The following FGF12 variants were observed in gnomAD, a reference collection of about 807,000 sequenced individuals.
FGF12 encodes fibroblast growth factor 12B.
A neutral mutation model predicts 23.6 loss-of-function variants in FGF12; 14 were observed. The observed-to-expected ratio is 0.59, with a 90% CI of 0.39 to 0.93. FGF12 has a LOEUF of 0.93. Ranked by LOEUF, FGF12 falls within the 40% of genes least tolerant of loss-of-function variation. The pLI is 0.00. For missense variants in FGF12, 175 were observed against 217.8 expected (o/e 0.80, Z 1.24); for synonymous variants, 62 against 77.3 (o/e 0.80, Z 1.04).
At chr3:192,507,985 A>C (rs1724363577) in intron 2 of FGF12, among the ~76,000 whole-genome samples, 1 of 152,214 alleles carries the variant, frequency 6.6e-6, no homozygotes, top group South Asian at 2.1e-4. Flanking sequence ...CAAGTTAAGC[A>C]AATAATTAGT....
At chr3:192,244,138 T>A (rs557338027) in intron 4 of FGF12, among the ~76,000 whole-genome samples, 1 of 152,266 alleles carries the variant, frequency 6.6e-6, no homozygotes, top group African/African-American at 2.4e-5. Context: ...AAATACTATA[T>A]CTAGGGAGAT....
At chr3:192,463,120 T>C (rs1476451554) in intron 2 of FGF12, among the ~76,000 whole-genome samples, 1 of 152,080 alleles carries the variant, frequency 6.6e-6, no homozygotes, top group African/African-American at 2.4e-5. Flanking sequence ...TTTAGGGTGA[T>C]AGAAGATTTT....
At chr3:192,558,825 A>G (rs967247584) in intron 2 of FGF12, among the ~76,000 whole-genome samples, 9 of 151,980 alleles carry the variant, frequency 5.9e-5, no homozygotes, top group African/African-American at 1.7e-4. Flanking sequence ...GATTTTTGAC[A>G]TAAGTGCCAA....
chr3:192,182,425 C>T (rs1257929556), intron 4 of FGF12, among the ~76,000 whole-genome samples: 1 of 152,074 alleles, frequency 6.6e-6, no homozygotes, highest in Non-Finnish European at 1.5e-5. Flanking sequence ...CTTACCCAGG[C>T]TCACAAAACA....
At chr3:192,315,719 G>A (rs1421959256) in intron 4 of FGF12, among the ~76,000 whole-genome samples, 1 of 152,160 alleles carries the variant, frequency 6.6e-6, no homozygotes, top group African/African-American at 2.4e-5. Flanking sequence ...AGAGAAAGCA[G>A]AACTAATAAA....
intron 3 of FGF12, among the ~76,000 whole-genome samples, chr3:192,342,294 A>G (rs10937542): frequency 0.21 from 31,460 of 152,142 alleles, 4,954 homozygotes; most frequent in East Asian, 0.59. Context: ...GGAAGATAAT[A>G]TGTATTACAC....
chr3:192,357,934 A>G (rs760704131), intron 3 of FGF12, among the ~76,000 whole-genome samples: 2 of 152,222 alleles, frequency 1.3e-5, no homozygotes, highest in East Asian at 3.8e-4. Context: ...CAATGATTAT[A>G]CACAAAAAGG....
At chr3:192,188,307 T>C (rs997821987) in intron 4 of FGF12, among the ~76,000 whole-genome samples, 1 of 152,190 alleles carries the variant, frequency 6.6e-6, no homozygotes, top group African/African-American at 2.4e-5. Flanking sequence ...CTGTCCTCTT[T>C]ACAGGTTAAT....
At chr3:192,230,394 C>G (rs1216484352) in intron 4 of FGF12, among the ~76,000 whole-genome samples, 5 of 152,014 alleles carry the variant, frequency 3.3e-5, no homozygotes, top group East Asian at 1.9e-4. Context: ...TTTTTTGCAT[C>G]ACTGAAGCAA....
chr3:192,217,821 C>CT (rs1000466136), intron 4 of FGF12, among the ~76,000 whole-genome samples: 2 of 151,766 alleles, frequency 1.3e-5, no homozygotes, highest in African/African-American at 4.8e-5. Flanking sequence ...TGTCACTTTT[C>CT]TTTTTTTCTT....
At chr3:192,330,465 G>A (rs1717049440) in intron 4 of FGF12, among the ~76,000 whole-genome samples, 1 of 152,116 alleles carries the variant, frequency 6.6e-6, no homozygotes, top group African/African-American at 2.4e-5. Flanking sequence ...ATTACACAAT[G>A]GAGAAAGGTT....
At chr3:192,674,350 C>A (rs1362241301) in intron 2 of FGF12, among the ~76,000 whole-genome samples, 1 of 152,216 alleles carries the variant, frequency 6.6e-6, no homozygotes, top group Non-Finnish European at 1.5e-5. Flanking sequence ...TACAGTCCAT[C>A]CACAATTGCA....
chr3:192,378,438 A>C (rs964395005), intron 2 of FGF12, among the ~76,000 whole-genome samples: 3 of 142,262 alleles, frequency 2.1e-5, no homozygotes, highest in African/African-American at 9.3e-5. Flanking sequence ...TAGCTTTCCC[A>C]AAAATGCAAA....
chr3:192,648,643 T>C (rs1716100532), intron 2 of FGF12, among the ~76,000 whole-genome samples: 1 of 152,168 alleles, frequency 6.6e-6, no homozygotes, highest in African/African-American at 2.4e-5. Context: ...AAATAATCAT[T>C]GCTTCAATAG....
intron 2 of FGF12, among the ~76,000 whole-genome samples, chr3:192,703,756 C>T (rs1273831242): frequency 6.6e-6 from 1 of 152,164 alleles, no homozygotes; most frequent in Non-Finnish European, 1.5e-5. Context: ...ATTGTAGGGA[C>T]AGTTTTTCCT....
intron 2 of FGF12, among the ~76,000 whole-genome samples, chr3:192,373,223 C>A (rs951560034): frequency 6.6e-6 from 1 of 151,768 alleles, no homozygotes; most frequent in Non-Finnish European, 1.5e-5. Context: ...GGCCATGTAA[C>A]TTTTATTTAT....
At chr3:192,264,279 A>G (rs1049542267) in intron 4 of FGF12, among the ~76,000 whole-genome samples, 2 of 152,154 alleles carry the variant, frequency 1.3e-5, no homozygotes, top group Non-Finnish European at 2.9e-5. Context: ...TCACACCATC[A>G]ATAAAATGAC....
intron 4 of FGF12, among the ~76,000 whole-genome samples, chr3:192,306,202 T>C (rs1715642170): frequency 6.6e-6 from 1 of 152,178 alleles, no homozygotes; most frequent in African/African-American, 2.4e-5. Context: ...GATTACCTTT[T>C]CTGAATGCAC....
chr3:192,203,159 G>A (rs1046515628), intron 4 of FGF12, among the ~76,000 whole-genome samples: 12 of 149,582 alleles, frequency 8.0e-5, no homozygotes, highest in Non-Finnish European at 1.0e-4. Flanking sequence ...GTGTGTGTGT[G>A]TACATGCACA....
Sources: gnomAD v4.1 joint callset for allele counts (sites outside exome capture counted in the v4.1 genomes callset) on GRCh38, gnomAD v4.1.1 for gene constraint, MANE v1.5 for transcripts, NCBI Gene and HGNC (gene_info 2026-07-23, HGNC 2026-07-21) for gene names.